The following ADGRL3 variants were observed in gnomAD, a reference collection of about 807,000 sequenced individuals.
ADGRL3 encodes calcium-independent alpha-latrotoxin receptor 3.
ADGRL3 carries 62 observed loss-of-function variants against 153.5 expected under a neutral mutation model. That is an observed-to-expected ratio of 0.40 (90% CI 0.33 to 0.50). The LOEUF (loss-of-function observed/expected upper bound fraction) is 0.50. ADGRL3 is among the 20% of genes least tolerant of loss of function. The pLI is 0.47. For synonymous variants in ADGRL3, 710 were observed against 672.5 expected, an observed-to-expected ratio of 1.06 and a Z score of -0.86; for missense variants, 1,641 against 1,859.4, an observed-to-expected ratio of 0.88 and a Z score of 2.16.
rs151251446 is a variant in ADGRL3, at chr4:61,790,745, A to G, written c.1400-23064A>G. On this transcript the variant is annotated intron_variant, in intron 8 of 26. Transcript: ENST00000683033. ...ACATACCCAAGACTGGGCAATTTAT[A>G]AAAGAAAGAGGTTTATTGGACTCAC... is the stretch of plus-strand genomic sequence containing the variant. 6.4e-3 allele frequency among the ~76,000 whole-genome samples: 968 copies of G among 152,272 alleles called. 16 individuals carry two copies. The highest frequency in any genetic ancestry group is 0.036 in the Admixed American group (548 of 15,280).
In ADGRL3 at chr4:61,979,670, G is replaced by T. The variant is rs1397547; in HGVS notation, c.2913G>T (p.Arg971=). 2.2e-4 allele frequency: 349 copies of T among 1,613,682 alleles called. No homozygotes were observed. The highest frequency in any genetic ancestry group is 8.3e-4 in the Middle Eastern group (5 of 6,060). Residue 971 remains arginine, a synonymous_variant, in exon 18 of 27, where the codon CGG becomes CGT. Transcript: ENST00000683033. ...LICIFTFCFF[R]GLQSDRNTIH... Reference sequence around the variant, plus strand: ...GCATCTTCACATTTTGCTTTTTCCGGGGGCTCCAGAGTGACCGTAACACCA... The same window carrying T: ...GCATCTTCACATTTTGCTTTTTCCGTGGGCTCCAGAGTGACCGTAACACCA...
intron 4 of ADGRL3, among the ~76,000 whole-genome samples, chr4:61,565,410 G>A (rs2098812441): frequency 6.6e-6 from 1 of 152,102 alleles, no homozygotes; most frequent in African/African-American, 2.4e-5. Context: ...TGGCATAATT[G>A]ATGATGATGT....
At chr4:61,894,464 T>A (rs922651319) in intron 10 of ADGRL3, among the ~76,000 whole-genome samples, 5 of 152,174 alleles carry the variant, frequency 3.3e-5, no homozygotes, top group Non-Finnish European at 5.9e-5. Flanking sequence ...CAGAGAACAG[T>A]TGGAAACCAT....
At chr4:61,715,262 G>C (rs2096084309) in intron 6 of ADGRL3, among the ~76,000 whole-genome samples, 1 of 152,092 alleles carries the variant, frequency 6.6e-6, no homozygotes, top group African/African-American at 2.4e-5. Context: ...CTTACTCAAA[G>C]ATCTAAGTGG....
intron 4 of ADGRL3, among the ~76,000 whole-genome samples, chr4:61,553,346 G>T (rs530928026): frequency 6.6e-6 from 1 of 152,064 alleles, no homozygotes. Context: ...ATACAAATAA[G>T]TATAAATAAG....
At chr4:61,275,867 A>C (rs950867) in intron 1 of ADGRL3, among the ~76,000 whole-genome samples, 2 of 152,052 alleles carry the variant, frequency 1.3e-5, no homozygotes, top group Admixed American at 1.3e-4. Context: ...TAAAAGTAGA[A>C]AACTAAATAA....
At chr4:61,641,674 T>A (rs2093681313) in intron 5 of ADGRL3, among the ~76,000 whole-genome samples, 1 of 152,124 alleles carries the variant, frequency 6.6e-6, no homozygotes, top group African/African-American at 2.4e-5. Context: ...ATTTTCTTAA[T>A]CCAGTCTATC....
At chr4:61,963,306 G>C (rs2098994929) in intron 17 of ADGRL3, among the ~76,000 whole-genome samples, 1 of 149,748 alleles carries the variant, frequency 6.7e-6, no homozygotes, top group East Asian at 2.0e-4. Flanking sequence ...GTGCAGGTTT[G>C]TGACATGGGT....
At position 61,758,959 on chromosome 4, in the gene ADGRL3, GA is replaced by G. The variant is rs563263553; in HGVS notation, c.1399+25408del. Among the ~76,000 whole-genome samples the G allele has an allele frequency of 1.4e-4, 22 of 152,272 alleles. No homozygotes were observed. In the South Asian group the frequency reaches 4.6e-3, roughly 32 times the overall value. On this transcript the variant is annotated intron_variant, in intron 8 of 26. Transcript: ENST00000683033. ...TATGAAGCTTAGTTTGGCTGGATAT[GA>G]AATTCTGGGTTGAAAATTCTTTTCT...
chr4:61,836,809 A>T (rs1026700230), intron 9 of ADGRL3, among the ~76,000 whole-genome samples: 2 of 152,108 alleles, frequency 1.3e-5, no homozygotes, highest in African/African-American at 4.8e-5. Flanking sequence ...AAAAACTTTG[A>T]CTTTATAAAC....
intron 1 of ADGRL3, among the ~76,000 whole-genome samples, chr4:61,306,388 C>T (rs2094791277): frequency 6.6e-6 from 1 of 151,956 alleles, no homozygotes; most frequent in South Asian, 2.1e-4. Context: ...GTGAGTCACC[C>T]CACACCGCCA....
chr4:61,804,086 A>G (rs568377731), intron 8 of ADGRL3, among the ~76,000 whole-genome samples: 2 of 152,346 alleles, frequency 1.3e-5, no homozygotes, highest in South Asian at 2.1e-4. Context: ...TATTCTATAC[A>G]ATGATATATT....
intron 1 of ADGRL3, among the ~76,000 whole-genome samples, chr4:61,320,049 G>A (rs1228275820): frequency 6.6e-6 from 1 of 152,092 alleles, no homozygotes; most frequent in African/African-American, 2.4e-5. Context: ...AGAAGAGGAG[G>A]AGACACCAGA....
At chr4:61,971,135 T>A (rs1471266199) in intron 17 of ADGRL3, among the ~76,000 whole-genome samples, 2 of 151,628 alleles carry the variant, frequency 1.3e-5, no homozygotes, top group African/African-American at 2.4e-5. Context: ...ATTTTTTAAA[T>A]TTTTTTATTT....
At chr4:61,970,365 C>A (rs2099022577) in intron 17 of ADGRL3, among the ~76,000 whole-genome samples, 3 of 152,080 alleles carry the variant, frequency 2.0e-5, no homozygotes, top group Admixed American at 2.0e-4. Flanking sequence ...AAATTATTTT[C>A]TTTCTATTGA....
In ADGRL3 at chr4:61,985,657, C is replaced by T. The variant is rs368367943; in HGVS notation, c.3236+2054C>T. Among the ~76,000 whole-genome samples the T allele has an allele frequency of 2.9e-3, 439 of 152,150 alleles. 1 individual carries two copies. Among genetic ancestry groups the T allele is most frequent in the Non-Finnish European group, 5.4e-3 (366 of 68,006 alleles). On this transcript the variant is annotated intron_variant, in intron 19 of 26. Coordinates refer to ENST00000683033, the MANE Select transcript of ADGRL3 (RefSeq NM_001387552.1). Reference sequence around the variant, plus strand: ...TAAAAAGGGAACGACAAGAAGAGGACGCCAGAATTATTGGGAGCATAGTTA... The same window carrying T: ...TAAAAAGGGAACGACAAGAAGAGGATGCCAGAATTATTGGGAGCATAGTTA...
chr4:61,574,924 A>ATAT, intron 4 of ADGRL3, among the ~76,000 whole-genome samples: 1 of 151,942 alleles, frequency 6.6e-6, no homozygotes, highest in South Asian at 2.1e-4. Flanking sequence ...GAAGGCTTAT[A>ATAT]TATTATTATT....
At chr4:61,917,404 A>G (rs2098749832) in intron 13 of ADGRL3, among the ~76,000 whole-genome samples, 1 of 152,198 alleles carries the variant, frequency 6.6e-6, no homozygotes, top group Non-Finnish European at 1.5e-5. Flanking sequence ...CTGCCATATT[A>G]AGGTCATATC....
intron 9 of ADGRL3, among the ~76,000 whole-genome samples, chr4:61,880,121 A>ACT (rs2098500730): frequency 6.6e-6 from 1 of 152,184 alleles, no homozygotes; most frequent in Admixed American, 6.5e-5. Context: ...GAAGTTACTA[A>ACT]GTCCTCAACC....
Sources: allele counts gnomAD v4.1 joint callset (sites outside exome capture counted in the v4.1 genomes callset), GRCh38; gene constraint gnomAD v4.1.1; transcripts MANE v1.5; gene names NCBI Gene and HGNC (gene_info 2026-07-23, HGNC 2026-07-21).